PTPRD: variants seen among roughly 807,000 people sequenced by gnomAD.
PTPRD encodes receptor-type tyrosine-protein phosphatase delta.
Under a neutral mutation model 214.5 loss-of-function variants are expected in PTPRD, and 34 were observed. The ratio of observed to expected loss-of-function variants is 0.16; its 90% confidence interval spans 0.12 to 0.21. The LOEUF is 0.21. Among genes scored for constraint, PTPRD ranks in the 10% least tolerant of loss-of-function variants. The pLI is 1.00. For synonymous variants in PTPRD, 1,128 were observed against 845.7 expected (o/e 1.33, Z -5.79); for missense variants, 2,545 against 2,398.7 (o/e 1.06, Z -1.27).
chr9:9,388,654 T>G (rs2064746115), intron 9 of PTPRD, among the ~76,000 whole-genome samples: 1 of 152,096 alleles, frequency 6.6e-6, no homozygotes, highest in South Asian at 2.1e-4. Flanking sequence ...AAAAACAGAT[T>G]GTACCAGGAA....
At chr9:10,313,397 T>TACACACACACACACAC (rs60788124) in intron 3 of PTPRD, among the ~76,000 whole-genome samples, 13,398 of 148,264 alleles carry the variant, frequency 0.09, 727 homozygotes, top group African/African-American at 0.15. Context: ...AGGTACAGAT[T>TACACACACACACACAC]ACACACACAC....
intron 14 of PTPRD, among the ~76,000 whole-genome samples, chr9:8,622,896 T>C (rs1247582945): frequency 1.3e-5 from 2 of 151,860 alleles, no homozygotes; most frequent in East Asian, 3.9e-4. Context: ...CCCATGACTT[T>C]GGGAAAACGA....
chr9:8,932,303 T>C (rs1567081959), intron 11 of PTPRD, among the ~76,000 whole-genome samples: 1 of 152,166 alleles, frequency 6.6e-6, no homozygotes, highest in Non-Finnish European at 1.5e-5. Flanking sequence ...TTTAGCGCAA[T>C]AATTTTTCCT....
intron 8 of PTPRD, among the ~76,000 whole-genome samples, chr9:9,485,874 C>A (rs368752774): frequency 6.6e-6 from 1 of 151,888 alleles, no homozygotes; most frequent in Non-Finnish European, 1.5e-5. Flanking sequence ...TCCCTTGGGC[C>A]GGGTGGGGTG....
chr9:9,749,999 C>A (rs1320589366), intron 6 of PTPRD, among the ~76,000 whole-genome samples: 1 of 152,106 alleles, frequency 6.6e-6, no homozygotes, highest in Admixed American at 6.6e-5. Flanking sequence ...GCCTTCATAA[C>A]AAAGAGCTCT....
intron 5 of PTPRD, among the ~76,000 whole-genome samples, chr9:9,815,555 C>T (rs2048486898): frequency 6.6e-6 from 1 of 151,904 alleles, no homozygotes; most frequent in African/African-American, 2.4e-5. Flanking sequence ...GCAAAGGAAA[C>T]AATAAACAAA....
chr9:10,163,775 G>A (rs2154291245), intron 3 of PTPRD, among the ~76,000 whole-genome samples: 1 of 151,384 alleles, frequency 6.6e-6, no homozygotes. Flanking sequence ...AAGTGTACCT[G>A]GATATTGCTA....
intron 5 of PTPRD, among the ~76,000 whole-genome samples, chr9:9,888,275 A>C (rs1373956824): frequency 6.6e-6 from 1 of 152,188 alleles, no homozygotes; most frequent in South Asian, 2.1e-4. Flanking sequence ...CTGTCAGATG[A>C]AGAGCGAGAC....
intron 10 of PTPRD, among the ~76,000 whole-genome samples, chr9:9,102,207 G>T (rs1569542229): frequency 6.6e-6 from 1 of 151,998 alleles, no homozygotes; most frequent in African/African-American, 2.4e-5. Flanking sequence ...ATTTTTAATA[G>T]CTTTTCATTT....
At chr9:10,372,959 A>G (rs747593993) in intron 2 of PTPRD, among the ~76,000 whole-genome samples, 2 of 151,234 alleles carry the variant, frequency 1.3e-5, no homozygotes, top group African/African-American at 4.9e-5. Context: ...CAACCTCCTG[A>G]GTAGCTTGGG....
intron 14 of PTPRD, among the ~76,000 whole-genome samples, chr9:8,549,207 G>A (rs536831048): frequency 2.0e-5 from 3 of 152,222 alleles, no homozygotes; most frequent in Non-Finnish European, 2.9e-5. Context: ...TGAGTTAGAC[G>A]CATACTGGAG....
At chr9:9,195,330 T>G (rs1271531543) in intron 9 of PTPRD, among the ~76,000 whole-genome samples, 1 of 152,032 alleles carries the variant, frequency 6.6e-6, no homozygotes, top group Non-Finnish European at 1.5e-5. Flanking sequence ...CAAAATATTC[T>G]GTTTGTGAAA....
intron 35 of PTPRD, among the ~76,000 whole-genome samples, chr9:8,408,757 A>G (rs1180641968): frequency 6.6e-6 from 1 of 152,114 alleles, no homozygotes; most frequent in Non-Finnish European, 1.5e-5. Context: ...CACACTGGGC[A>G]CTTGACTCCT....
chr9:10,507,611 A>G (rs1411722578), intron 2 of PTPRD, among the ~76,000 whole-genome samples: 1 of 151,990 alleles, frequency 6.6e-6, no homozygotes, highest in Non-Finnish European at 1.5e-5. Context: ...ATATAGACCA[A>G]TGGAACGGAA....
At chr9:8,984,965 T>C (rs2099331620) in intron 11 of PTPRD, among the ~76,000 whole-genome samples, 1 of 152,096 alleles carries the variant, frequency 6.6e-6, no homozygotes, top group Non-Finnish European at 1.5e-5. Flanking sequence ...TATTTGGGCT[T>C]TGGAAATGAT....
Position 8,500,972 on chromosome 9 carries a change from T to G in PTPRD, c.1910A>C (p.Lys637Thr). 6.2e-7 allele frequency: 1 copy of G among 1,614,116 alleles called. No homozygotes were observed. The highest frequency in any genetic ancestry group is 8.5e-7 in the Non-Finnish European group (1 of 1,180,012). ...LVSWQPPPVE[K>T]QNGIITEYSI... The stretch of plus-strand genomic sequence containing the variant: ...GTATTCAGTGATAATGCCATTCTGT[T>G]TTTCCACTGGTGGAGGTTGCCAACT... Residue 637 changes from lysine to threonine, a missense_variant, in exon 24 of 46, where the codon AAA becomes ACA. By Grantham distance (78) the Lys-to-Thr change is moderately conservative. Coordinates refer to ENST00000381196, the MANE Select transcript of PTPRD (RefSeq NM_002839.4).
At chr9:8,900,039 G>C (rs2098654582) in intron 11 of PTPRD, among the ~76,000 whole-genome samples, 1 of 152,140 alleles carries the variant, frequency 6.6e-6, no homozygotes, top group South Asian at 2.1e-4. Flanking sequence ...TCTTTGGTCA[G>C]TGTAGATGTG....
At chr9:10,028,138 C>T (rs1209085213) in intron 4 of PTPRD, among the ~76,000 whole-genome samples, 3 of 152,204 alleles carry the variant, frequency 2.0e-5, no homozygotes, top group African/African-American at 7.2e-5. Flanking sequence ...CTCACAAGAT[C>T]TGATGTTTTT....
At chr9:10,029,131 A>C (rs1160838371) in intron 4 of PTPRD, among the ~76,000 whole-genome samples, 1 of 152,250 alleles carries the variant, frequency 6.6e-6, no homozygotes, top group Non-Finnish European at 1.5e-5. Context: ...GTGACTACAC[A>C]GAAGTCAAGA....
Sources: allele counts gnomAD v4.1 joint callset (sites outside exome capture counted in the v4.1 genomes callset), GRCh38; gene constraint gnomAD v4.1.1; transcripts MANE v1.5; gene names NCBI Gene and HGNC (gene_info 2026-07-23, HGNC 2026-07-21).